TOX3: variants seen among roughly 807,000 people sequenced by gnomAD.
TOX3 encodes CAG trinucleotide repeat-containing gene F9 protein.
In TOX3, 22 loss-of-function variants were observed where a neutral mutation model predicts 64.3. That is an observed-to-expected ratio of 0.34 (90% CI 0.24 to 0.49). The LOEUF (loss-of-function observed/expected upper bound fraction) is 0.49, where lower values mean the gene tolerates loss of function less well. TOX3 is among the 20% of genes least tolerant of loss of function. The probability of loss-of-function intolerance (pLI) is 0.99; values close to 1 mark genes in which losing one functional copy is unlikely to be tolerated. For synonymous variants in TOX3, 291 were observed against 273.6 expected (o/e 1.06, Z -0.63); for missense variants, 661 against 714.4 (o/e 0.93, Z 0.85).
intron 1 of TOX3, among the ~76,000 whole-genome samples, chr16:52,525,443 C>T (rs1222405586): frequency 6.6e-6 from 1 of 152,218 alleles, no homozygotes; most frequent in Non-Finnish European, 1.5e-5. Flanking sequence ...TAAGAGCATG[C>T]ATCCTGCAGT....
intron 1 of TOX3, among the ~76,000 whole-genome samples, chr16:52,532,677 G>A (rs896733060): frequency 6.6e-6 from 1 of 152,172 alleles, no homozygotes; most frequent in African/African-American, 2.4e-5. Flanking sequence ...AGACAACACG[G>A]GTCTGCCTAG....
intron 1 of TOX3, among the ~76,000 whole-genome samples, chr16:52,506,653 A>C (rs2151468351): frequency 6.6e-6 from 1 of 152,320 alleles, no homozygotes; most frequent in South Asian, 2.1e-4. Flanking sequence ...AAAGTGATTC[A>C]GACTCTTTAG....
At chr16:52,541,033 C>T (rs1963066166) in intron 1 of TOX3, among the ~76,000 whole-genome samples, 1 of 152,026 alleles carries the variant, frequency 6.6e-6, no homozygotes, top group Non-Finnish European at 1.5e-5. Context: ...CCTTAGAAGG[C>T]CCTCTGCTTG....
intron 3 of TOX3, among the ~76,000 whole-genome samples, chr16:52,454,278 GA>G (rs1286231037): frequency 6.6e-6 from 1 of 152,022 alleles, no homozygotes; most frequent in Non-Finnish European, 1.5e-5. Flanking sequence ...TGACAGTATG[GA>G]AACCACTCCT....
intron 1 of TOX3, among the ~76,000 whole-genome samples, chr16:52,536,675 A>G (rs1420712897): frequency 6.9e-5 from 6 of 86,664 alleles, no homozygotes; most frequent in Admixed American, 1.2e-4. Flanking sequence ...ATATATATAT[A>G]TACATGTGTA....
At chr16:52,542,299 C>T (rs529441053) in intron 1 of TOX3, among the ~76,000 whole-genome samples, 1 of 152,298 alleles carries the variant, frequency 6.6e-6, no homozygotes, top group South Asian at 2.1e-4. Flanking sequence ...CACATAGTTG[C>T]ATGTAAACCA....
intron 1 of TOX3, chr16:52,519,559 AGTG>A: frequency 1.3e-6 from 2 of 1,497,754 alleles, no homozygotes; most frequent in Non-Finnish European, 8.9e-7. Flanking sequence ...GATGGGGTTC[AGTG>A]AGAGAAATGC....
chr16:52,466,067 A>C (rs1960856567), intron 2 of TOX3, among the ~76,000 whole-genome samples: 1 of 152,164 alleles, frequency 6.6e-6, no homozygotes, highest in Non-Finnish European at 1.5e-5. Context: ...TTATTTTGGC[A>C]CTAATATGGT....
At chr16:52,497,618 A>T (rs78376618) in intron 1 of TOX3, among the ~76,000 whole-genome samples, 1 of 152,152 alleles carries the variant, frequency 6.6e-6, no homozygotes, top group Non-Finnish European at 1.5e-5. Context: ...TAAATTATAG[A>T]AACATATGGC....
intron 4 of TOX3, among the ~76,000 whole-genome samples, chr16:52,449,307 C>A (rs1960262617): frequency 6.6e-6 from 1 of 152,158 alleles, no homozygotes; most frequent in African/African-American, 2.4e-5. Context: ...CTCTCTTCCC[C>A]CATATCGAAC....
At chr16:52,516,781 C>T (rs1962470513) in intron 1 of TOX3, among the ~76,000 whole-genome samples, 1 of 152,078 alleles carries the variant, frequency 6.6e-6, no homozygotes, top group South Asian at 2.1e-4. Flanking sequence ...CAAAGGGGTA[C>T]AAGGAAACTT....
chr16:52,439,439 A>G lies in TOX3; in HGVS notation c.1517T>C (p.Leu506Pro), dbSNP rs1057157420. Residue 506 changes from leucine to proline, a missense_variant, in exon 7 of 7, where the codon CTG (leucine) becomes CCG (proline). Physicochemically the swap from Leu to Pro is moderately conservative, Grantham distance 98. This residue lies in a region of TOX3 where 299 missense variants were observed against 292.1 expected (regional missense o/e 1.02). Coordinates refer to ENST00000219746, the MANE Select transcript of TOX3 (RefSeq NM_001080430.4). ...GAGGCGCTGCTGCAGCTGCTGCTGC[A>G]GCTGCTGTTGATTAATTTGCTGCTG... ...HLQQQINQQQLQQQLQQRLQL... is the reference protein window; with the variant it reads ...HLQQQINQQQPQQQLQQRLQL... 1 of 1,528,658 alleles carries G rather than the reference A, an allele frequency of 6.5e-7. No homozygotes were observed. The highest frequency in any genetic ancestry group is 2.0e-5 in the Admixed American group (1 of 51,236). The allele number at this position is 1,528,658 out of a possible 1,614,324, so 94.7% of individuals were successfully genotyped here. A position where few individuals can be genotyped will look rare whatever the true frequency, so the allele number is the denominator to read the frequency against.
At chr16:52,457,589 T>C (rs563779898) in intron 3 of TOX3, among the ~76,000 whole-genome samples, 50 of 152,220 alleles carry the variant, frequency 3.3e-4, no homozygotes, top group Non-Finnish European at 6.3e-4. Context: ...AAAATTACTT[T>C]GTATTCATAA....
At chr16:52,492,321 G>A (rs181680185) in intron 1 of TOX3, among the ~76,000 whole-genome samples, 144 of 145,638 alleles carry the variant, frequency 9.9e-4, no homozygotes, top group African/African-American at 3.3e-3. Flanking sequence ...TCAGTATAAT[G>A]AAATTTGGAT....
intron 1 of TOX3, among the ~76,000 whole-genome samples, chr16:52,511,873 T>A (rs943373552): frequency 1.3e-5 from 2 of 152,340 alleles, no homozygotes; most frequent in African/African-American, 4.8e-5. Flanking sequence ...TGTTTGCCTT[T>A]ATAATTTCAA....
Position 52,439,706 on chromosome 16 carries a change from C to G in TOX3, c.1250G>C (p.Ser417Thr). The G allele has an allele frequency of 1.9e-6, 3 of 1,613,980 alleles. No individual in the cohort carries two copies. Among genetic ancestry groups the G allele is most frequent in the African/African-American group, 2.7e-5 (2 of 75,050 alleles). ...MPSNIGAPLISSMGTTMVGSA... is the reference protein window; with the variant it reads ...MPSNIGAPLITSMGTTMVGSA... The stretch of plus-strand genomic sequence containing the variant: ...GCCAACCATGGTCGTTCCCATGGAG[C>G]TTATCAGTGGAGCCCCAATGTTCGA... Residue 417 changes from serine (S) to threonine (T), a missense_variant, in exon 7 of 7, where the codon AGC (serine) becomes ACC (threonine). Ser to Thr is a moderately conservative substitution (Grantham distance 58). Transcript: ENST00000219746.
At chr16:52,447,768 T>G (rs911160561) in intron 4 of TOX3, among the ~76,000 whole-genome samples, 7 of 152,212 alleles carry the variant, frequency 4.6e-5, no homozygotes, top group Non-Finnish European at 8.8e-5. Context: ...GCCTTTCAGT[T>G]AGAGCTTCAC....
At chr16:52,535,844 C>T (rs1292365017) in intron 1 of TOX3, among the ~76,000 whole-genome samples, 1 of 152,180 alleles carries the variant, frequency 6.6e-6, no homozygotes, top group Non-Finnish European at 1.5e-5. Flanking sequence ...GCCACCAACA[C>T]ATCAAATACT....
At chr16:52,544,522 T>C (rs1195357448) in intron 1 of TOX3, among the ~76,000 whole-genome samples, 1 of 152,210 alleles carries the variant, frequency 6.6e-6, no homozygotes, top group East Asian at 1.9e-4. Flanking sequence ...ATGTCTAACT[T>C]TCATAACTTG....
Sources: allele counts gnomAD v4.1 joint callset (sites outside exome capture counted in the v4.1 genomes callset), GRCh38; gene constraint gnomAD v4.1.1; regional missense constraint gnomAD v4.1.1; transcripts MANE v1.5; gene names NCBI Gene and HGNC (gene_info 2026-07-23, HGNC 2026-07-21).